DCAF1: variants seen among roughly 807,000 people sequenced by gnomAD.
DCAF1 encodes the protein DDB1 and CUL4 associated factor 1.
A neutral mutation model predicts 128.0 loss-of-function variants in DCAF1; 15 were observed. The ratio of observed to expected loss-of-function variants is 0.12; its 90% CI spans 0.08 to 0.18. DCAF1 has a LOEUF of 0.18. Among genes scored for constraint, DCAF1 ranks in the 10% least tolerant of loss-of-function variants. The pLI is 1.00. For missense variants in DCAF1, 988 were observed against 1,649.5 expected, an observed-to-expected ratio of 0.60 and a Z score of 6.95; for synonymous variants, 610 against 603.0, an observed-to-expected ratio of 1.01 and a Z score of -0.17.
chr3:51,490,697 G>A (rs1707531514), intron 2 of DCAF1, among the ~76,000 whole-genome samples: 1 of 152,022 alleles, frequency 6.6e-6, no homozygotes, highest in Non-Finnish European at 1.5e-5. Context: ...GGCCAAGATG[G>A]GTGGATCACC....
intron 12 of DCAF1, among the ~76,000 whole-genome samples, chr3:51,427,833 T>C (rs1700035344): frequency 6.6e-6 from 1 of 152,050 alleles, no homozygotes; most frequent in Non-Finnish European, 1.5e-5. Context: ...GGGTCTCATT[T>C]TGTTGCCCAT....
rs140712750 is a variant in DCAF1, at chr3:51,463,165, G to C, written c.324C>G (p.Leu108=). The C allele has an allele frequency of 3.6e-4, 569 of 1,597,702 alleles. 2 individuals carry two copies. Among genetic ancestry groups the C allele is most frequent in the Non-Finnish European group, 4.4e-4 (520 of 1,171,244 alleles). Reference sequence around the variant, plus strand: ...CCAGCCCTGGCATGATGTCTAATAGGAGTCTGCAAGCTGCAGTGTTTAAAG... The same window carrying C: ...CCAGCCCTGGCATGATGTCTAATAGCAGTCTGCAAGCTGCAGTGTTTAAAG... ...EPPLNTAACR[L]LLDIMPGLET... is the part of the protein sequence containing the mutation. The change falls in exon 6 of 25, where the codon CTC becomes CTG. Residue 108 remains leucine, a synonymous_variant. Coordinates refer to ENST00000684031, the MANE Select transcript of DCAF1 (RefSeq NM_001387579.1).
At chr3:51,441,285 G>C (rs1701334814) in intron 8 of DCAF1, 100 bp downstream of exon 8, 1 of 1,401,856 alleles carries the variant, frequency 7.1e-7, no homozygotes. Context: ...GTTTGTGGTA[G>C]AGTTAGAATA....
intron 23 of DCAF1, among the ~76,000 whole-genome samples, chr3:51,404,045 G>T (rs1452185940): frequency 1.3e-5 from 2 of 152,218 alleles, no homozygotes; most frequent in African/African-American, 4.8e-5. Context: ...ACTTGCAAAG[G>T]CAAGAAAATT....
At chr3:51,427,765 T>C (rs374639697) in intron 12 of DCAF1, among the ~76,000 whole-genome samples, 27 of 152,246 alleles carry the variant, frequency 1.8e-4, no homozygotes, top group African/African-American at 6.0e-4. Context: ...CCCAAGTAGC[T>C]AGAACCACAG....
chr3:51,486,291 C>G (rs563067770), intron 2 of DCAF1, among the ~76,000 whole-genome samples: 17 of 150,942 alleles, frequency 1.1e-4, no homozygotes, highest in Non-Finnish European at 1.9e-4. Context: ...CACCTGGGCT[C>G]AAGTGATCCT....
rs1429235049 is a variant in DCAF1, at chr3:51,418,211, G to A, written c.3436-13C>T. ...GCAAGGACCCATCCTAAAAGAAAAA[G>A]GCGCAAGGTGGGTAACCACGTATTT... On this transcript the variant is annotated splice_polypyrimidine_tract_variant and intron_variant, in intron 16 of 24. Coordinates refer to ENST00000684031, the MANE Select transcript of DCAF1 (RefSeq NM_001387579.1). 1.2e-6 allele frequency: 2 copies of A among 1,602,480 alleles called. No homozygotes were observed. The highest frequency in any genetic ancestry group is 1.7e-6 in the Non-Finnish European group (2 of 1,174,674).
chr3:51,470,889 A>G, intron 4 of DCAF1, 40 bp downstream of exon 4: 1 of 1,413,978 alleles, frequency 7.1e-7, no homozygotes, highest in Non-Finnish European at 9.6e-7. Context: ...GTGTCTTAAA[A>G]GAAAAAAAAA....
chr3:51,410,995 T>TA (rs1157032505), intron 23 of DCAF1, among the ~76,000 whole-genome samples: 25 of 151,354 alleles, frequency 1.7e-4, no homozygotes, highest in Non-Finnish European at 2.8e-4. Context: ...CCATCTCTAC[T>TA]AAAAAAAATA....
intron 13 of DCAF1, among the ~76,000 whole-genome samples, chr3:51,427,061 T>C (rs1411514266): frequency 6.6e-6 from 1 of 152,218 alleles, no homozygotes; most frequent in Admixed American, 6.5e-5. Flanking sequence ...AATCCTGGAC[T>C]CCAGGCTCAA....
intron 2 of DCAF1, among the ~76,000 whole-genome samples, chr3:51,491,057 AAC>A (rs1184265337): frequency 4.0e-5 from 6 of 150,912 alleles, no homozygotes; most frequent in East Asian, 2.0e-4. Context: ...AAAAAAAAAA[AAC>A]AAAGTCGGGG....
Position 51,414,006 on chromosome 3 carries a change from G to T in DCAF1, c.3875C>A (p.Pro1292His). The stretch of plus-strand genomic sequence containing the variant: ...CACCACGCGACACTGATCCAGAGCG[G>T]GAACAGTATGCAAAAGATGAAAAGT... ...LRTFHLLHTV[P>H]ALDQCRVVFN... is the part of the protein sequence containing the mutation. Residue 1292 changes from proline (P) to histidine (H), a missense_variant, in exon 20 of 25, where the codon CCC (proline) becomes CAC (histidine). Pro to His is a moderately conservative substitution (Grantham distance 77). This residue lies in a region of DCAF1 where 85 missense variants were observed against 204.6 expected (regional missense o/e 0.42). Transcript: ENST00000684031. 6.2e-7 allele frequency: 1 copy of T among 1,604,074 alleles called. No homozygotes were observed. Among genetic ancestry groups the T allele is most frequent in the Non-Finnish European group, 8.5e-7 (1 of 1,175,848 alleles).
chr3:51,482,575 G>C (rs1264928184), intron 3 of DCAF1, among the ~76,000 whole-genome samples: 4 of 140,540 alleles, frequency 2.8e-5, no homozygotes, highest in Non-Finnish European at 4.6e-5. Context: ...GACCAGGCTG[G>C]CCAACATGGT....
At chr3:51,446,984 T>TAATAATAATAA (rs1701925232) in intron 6 of DCAF1, among the ~76,000 whole-genome samples, 1 of 147,080 alleles carries the variant, frequency 6.8e-6, no homozygotes, top group African/African-American at 2.5e-5. Context: ...ATAATAATAA[T>TAATAATAATAA]AATAATAATA....
chr3:51,470,990 A>C lies in DCAF1; in HGVS notation c.126T>G (p.Ile42Met). 6.2e-7 allele frequency: 1 copy of C among 1,607,416 alleles called. No homozygotes were observed. The highest frequency in any genetic ancestry group is 8.5e-7 in the Non-Finnish European group (1 of 1,175,722). The change falls in exon 4 of 25, where the codon ATT becomes ATG. Residue 42 changes from isoleucine to methionine, a missense_variant. Physicochemically the swap from Ile to Met is conservative, Grantham distance 10. Transcript: ENST00000684031. ...TACGATACTCTTCAGTTTCTTTTTC[A>C]ATCAATTGAGACATCCTAGCACAAA... is the stretch of plus-strand genomic sequence containing the variant. Reference protein sequence around the residue: ...VPILTRMSQLIEKETEEYRKG... With the variant: ...VPILTRMSQLMEKETEEYRKG...
chr3:51,437,154 T>C (rs1186169106), intron 9 of DCAF1, among the ~76,000 whole-genome samples: 3 of 150,954 alleles, frequency 2.0e-5, no homozygotes, highest in Non-Finnish European at 2.9e-5. Context: ...TCTCAGCTAC[T>C]TGGGAGCCTG....
rs138367883 is a variant in DCAF1, at chr3:51,430,730, C to T, written c.1288-518G>A. 8.7e-3 allele frequency among the ~76,000 whole-genome samples: 1,317 copies of T among 152,226 alleles called. 27 individuals carry two copies. Among genetic ancestry groups the T allele is most frequent in the African/African-American group, 0.028 (1,173 of 41,534 alleles). On this transcript the variant is annotated intron_variant, in intron 10 of 24. Transcript: ENST00000684031. ...AGCCATAAGTAATTTTGTATGTACA[C>T]ACATAGATTAGTTTATTACTCCCAA...
chr3:51,436,982 G>T (rs138399374), intron 9 of DCAF1, among the ~76,000 whole-genome samples: 1 of 152,310 alleles, frequency 6.6e-6, no homozygotes, highest in East Asian at 1.9e-4. Flanking sequence ...AAAAGAGAGA[G>T]ACAGGTGCAG....
upstream of DCAF1, among the ~76,000 whole-genome samples, chr3:51,502,078 A>G (rs1423824329): frequency 6.6e-6 from 1 of 152,162 alleles, no homozygotes; most frequent in Non-Finnish European, 1.5e-5. Flanking sequence ...AGGATGGGAC[A>G]TTTAAGCCTT....
Sources: gnomAD v4.1 joint callset for allele counts (sites outside exome capture counted in the v4.1 genomes callset) on GRCh38, gnomAD v4.1.1 for gene constraint, gnomAD v4.1.1 regional missense constraint, MANE v1.5 for transcripts, NCBI Gene and HGNC (gene_info 2026-07-23, HGNC 2026-07-21) for gene names.